Variants in FRMD4A observed in about 807,000 individuals in gnomAD.
The protein encoded by FRMD4A is FERM domain containing 4A, also known as FERM domain-containing protein 4A.
Under a neutral mutation model 129.1 loss-of-function variants are expected in FRMD4A, and 29 were observed. That is an observed-to-expected ratio of 0.22 (90% CI 0.17 to 0.31). The LOEUF is 0.31. Ranked by LOEUF, FRMD4A falls within the 10% of genes least tolerant of loss-of-function variation. The pLI, the probability that FRMD4A is intolerant of heterozygous loss-of-function variation, is 1.00. For missense variants in FRMD4A, 1,272 were observed against 1,375.8 expected (o/e 0.92, Z 1.19); for synonymous variants, 634 against 571.6 (o/e 1.11, Z -1.56).
intron 2 of FRMD4A, among the ~76,000 whole-genome samples, chr10:13,928,473 T>A (rs2095159376): frequency 6.6e-6 from 1 of 152,186 alleles, no homozygotes; most frequent in African/African-American, 2.4e-5. Flanking sequence ...GATTGGCATT[T>A]ATATCCTGGC....
At chr10:14,059,828 G>A (rs1416906364) in intron 2 of FRMD4A, among the ~76,000 whole-genome samples, 1 of 152,186 alleles carries the variant, frequency 6.6e-6, no homozygotes, top group Non-Finnish European at 1.5e-5. Flanking sequence ...TATCCTTTGA[G>A]TAGTCAAAAT....
intron 2 of FRMD4A, chr10:13,890,745 T>C (rs1390435883): frequency 7.1e-6 from 7 of 984,980 alleles, no homozygotes; most frequent in Non-Finnish European, 8.4e-6. Flanking sequence ...GGTCAGGGAG[T>C]CCTTTGCGGG....
At chr10:14,232,769 A>T (rs746458464) in intron 2 of FRMD4A, among the ~76,000 whole-genome samples, 1 of 152,216 alleles carries the variant, frequency 6.6e-6, no homozygotes, top group Non-Finnish European at 1.5e-5. Context: ...GTGTACCCAG[A>T]TTTTGAATCC....
At chr10:14,035,219 C>T (rs1023236255) in intron 2 of FRMD4A, among the ~76,000 whole-genome samples, 1 of 151,840 alleles carries the variant, frequency 6.6e-6, no homozygotes, top group African/African-American at 2.4e-5. Flanking sequence ...TTGAGACCAC[C>T]CTGGCCAACA....
chr10:14,129,371 CAT>C (rs3033977), intron 2 of FRMD4A, among the ~76,000 whole-genome samples: 10,373 of 45,996 alleles, frequency 0.23, 565 homozygotes, highest in Non-Finnish European at 0.29. Flanking sequence ...AATTATGATT[CAT>C]ATATATATAT....
At chr10:13,722,227 C>CTT (rs1204085901) in intron 12 of FRMD4A, among the ~76,000 whole-genome samples, 8,583 of 126,702 alleles carry the variant, frequency 0.068, 367 homozygotes, top group South Asian at 0.16. Context: ...GGCCAGGGCT[C>CTT]TTTTTTTTTT....
chr10:14,146,930 C>A (rs1840103972), intron 2 of FRMD4A, among the ~76,000 whole-genome samples: 1 of 152,218 alleles, frequency 6.6e-6, no homozygotes. Context: ...CAAATATCAT[C>A]ATCTATTTGC....
At chr10:14,036,956 G>A (rs893641239) in intron 2 of FRMD4A, among the ~76,000 whole-genome samples, 1 of 152,090 alleles carries the variant, frequency 6.6e-6, no homozygotes, top group African/African-American at 2.4e-5. Context: ...ACTATTTTTT[G>A]AGTAGGTAAT....
chr10:14,238,916 C>A (rs1316497930), intron 2 of FRMD4A, among the ~76,000 whole-genome samples: 2 of 152,160 alleles, frequency 1.3e-5, no homozygotes, highest in Admixed American at 6.5e-5. Flanking sequence ...GCCACATTTT[C>A]TTTATCTAGT....
chr10:13,877,683 T>C (rs765960451), intron 2 of FRMD4A, among the ~76,000 whole-genome samples: 1 of 152,192 alleles, frequency 6.6e-6, no homozygotes, highest in Non-Finnish European at 1.5e-5. Context: ...CCAAGTACTT[T>C]GGAAAGGGTT....
At chr10:14,128,172 C>T (rs1317296893) in intron 2 of FRMD4A, among the ~76,000 whole-genome samples, 1 of 150,614 alleles carries the variant, frequency 6.6e-6, no homozygotes, top group Non-Finnish European at 1.5e-5. Context: ...GGTGTAATCT[C>T]AGCTCACTGC....
chr10:13,648,407 C>T (rs190789469), intron 24 of FRMD4A, among the ~76,000 whole-genome samples: 6 of 152,160 alleles, frequency 3.9e-5, no homozygotes, highest in Non-Finnish European at 8.8e-5. Context: ...TGCAGGGGTC[C>T]TATGTTTTTC....
rs118096282 is a variant in FRMD4A, at chr10:14,287,237, T to C, written c.45+42821A>G. Among the ~76,000 whole-genome samples the C allele has an allele frequency of 1.9e-3, 284 of 152,270 alleles. 7 individuals carry two copies. The East Asian group carries it at 0.041, about 22-fold the overall frequency. The stretch of plus-strand genomic sequence containing the variant: ...GTGCTCTTCCTCTTCCGTGTTTCTA[T>C]AGAAATTCTATGTGTGTACAATTGC... On this transcript the variant is annotated intron_variant, in intron 2 of 24. Transcript: ENST00000357447.
intron 3 of FRMD4A, among the ~76,000 whole-genome samples, chr10:13,820,469 T>C (rs1391043142): frequency 6.6e-6 from 1 of 152,018 alleles, no homozygotes; most frequent in African/African-American, 2.4e-5. Flanking sequence ...AGCTTCTTCT[T>C]GTTAACCTAT....
chr10:13,674,501 T>A (rs2083799907), intron 16 of FRMD4A, among the ~76,000 whole-genome samples: 1 of 152,256 alleles, frequency 6.6e-6, no homozygotes, highest in African/African-American at 2.4e-5. Context: ...TAGGGACTTT[T>A]TCTTTTGTTG....
intron 2 of FRMD4A, among the ~76,000 whole-genome samples, chr10:13,970,700 T>C (rs964689717): frequency 6.6e-6 from 1 of 152,182 alleles, no homozygotes; most frequent in Admixed American, 6.5e-5. Context: ...CTATGCTGCC[T>C]GCGCCCCCCA....
intron 2 of FRMD4A, among the ~76,000 whole-genome samples, chr10:14,192,337 G>A (rs1256802356): frequency 6.6e-6 from 1 of 152,212 alleles, no homozygotes; most frequent in Non-Finnish European, 1.5e-5. Flanking sequence ...TTTGGAAGAT[G>A]TTGAAAGAGA....
At chr10:13,824,321 C>CAAAAAAAAAA (rs397721588) in intron 3 of FRMD4A, among the ~76,000 whole-genome samples, 650 of 96,400 alleles carry the variant, frequency 6.7e-3, no homozygotes, top group Non-Finnish European at 8.3e-3. Context: ...ACTAAAAATA[C>CAAAAAAAAAA]AAAAAAAAAA....
chr10:13,755,735 A>T (rs10752324), intron 8 of FRMD4A, among the ~76,000 whole-genome samples: 1 of 152,188 alleles, frequency 6.6e-6, no homozygotes. Context: ...GACTGACACC[A>T]CAGGTATACA....
Sources: allele counts gnomAD v4.1 joint callset (sites outside exome capture counted in the v4.1 genomes callset), GRCh38; gene constraint gnomAD v4.1.1; transcripts MANE v1.5; gene names NCBI Gene and HGNC (gene_info 2026-07-23, HGNC 2026-07-21).